LRMDA: variants seen among roughly 807,000 people sequenced by gnomAD.
LRMDA encodes the protein leucine-rich melanocyte differentiation-associated protein.
Under a neutral mutation model 29.8 loss-of-function variants are expected in LRMDA, and 18 were observed. The ratio of observed to expected loss-of-function variants is 0.60; its 90% CI spans 0.42 to 0.90. The LOEUF (loss-of-function observed/expected upper bound fraction) is 0.90, where lower values mean the gene tolerates loss of function less well. Ranked by LOEUF, LRMDA falls within the 40% of genes least tolerant of loss-of-function variation. The probability of loss-of-function intolerance (pLI) is 0.00; values close to 1 mark genes in which losing one functional copy is unlikely to be tolerated. For missense variants in LRMDA, 273 were observed against 273.9 expected (o/e 1.00, Z 0.02); for synonymous variants, 125 against 109.4 (o/e 1.14, Z -0.89).
chr10:75,702,245 C>T (rs769279638), intron 2 of LRMDA, among the ~76,000 whole-genome samples: 15 of 152,172 alleles, frequency 9.9e-5, no homozygotes, highest in Non-Finnish European at 2.1e-4. Flanking sequence ...TCTGTTGGCC[C>T]TGCAGACCAT....
intron 2 of LRMDA, among the ~76,000 whole-genome samples, chr10:75,492,825 A>G (rs1048732069): frequency 2.0e-5 from 3 of 152,178 alleles, no homozygotes; most frequent in African/African-American, 7.2e-5. Flanking sequence ...CTGTTATACC[A>G]TTTGTGTGGA....
intron 5 of LRMDA, among the ~76,000 whole-genome samples, chr10:76,116,120 G>T (rs568752116): frequency 1.1e-4 from 16 of 152,232 alleles, no homozygotes; most frequent in African/African-American, 3.4e-4. Context: ...ACCTGTGCCT[G>T]TGTAAGCATG....
chr10:76,142,257 T>C (rs4746365), intron 5 of LRMDA, among the ~76,000 whole-genome samples: 104,597 of 152,024 alleles, frequency 0.69, 36,659 homozygotes, highest in East Asian at 0.85. Flanking sequence ...TTGGTTTATG[T>C]GTAACATTTA....
intron 5 of LRMDA, among the ~76,000 whole-genome samples, chr10:76,164,597 G>A (rs148704109): frequency 1.1e-4 from 16 of 152,296 alleles, no homozygotes; most frequent in Non-Finnish European, 2.2e-4. Flanking sequence ...TGCAAAGAAT[G>A]AAATATTTCC....
chr10:75,602,189 AC>A (rs11373498), intron 2 of LRMDA, among the ~76,000 whole-genome samples: 32 of 151,190 alleles, frequency 2.1e-4, no homozygotes, highest in Admixed American at 5.3e-4. Flanking sequence ...GGAAAAAATA[AC>A]CCCCCCCAAA....
At position 76,144,532 on chromosome 10, in the gene LRMDA, A is replaced by G. The variant is rs373667022; in HGVS notation, c.516+85749A>G. On this transcript the variant is annotated intron_variant, in intron 5 of 6. Coordinates refer to ENST00000611255, the MANE Select transcript of LRMDA (RefSeq NM_001305581.2). The stretch of plus-strand genomic sequence containing the variant: ...GTATAAGAATGCTTGTGATTTTTGT[A>G]CATTGATTTTGTATCCTGAGACTTT... 2.0e-4 allele frequency among the ~76,000 whole-genome samples: 30 copies of G among 152,282 alleles called. No homozygotes were observed. The South Asian group carries it at 5.8e-3, about 30-fold the overall frequency.
chr10:76,149,523 G>A (rs1850398545), intron 5 of LRMDA, among the ~76,000 whole-genome samples: 1 of 152,170 alleles, frequency 6.6e-6, no homozygotes, highest in African/African-American at 2.4e-5. Flanking sequence ...TCTTTTGGGT[G>A]TTTCTTTAAA....
At chr10:75,919,010 G>A (rs1174343137) in intron 2 of LRMDA, among the ~76,000 whole-genome samples, 9 of 152,188 alleles carry the variant, frequency 5.9e-5, no homozygotes, top group Admixed American at 1.3e-4. Context: ...TGTGTCAGGC[G>A]TGATTTTGTG....
chr10:75,682,518 A>C (rs372315523), intron 2 of LRMDA, among the ~76,000 whole-genome samples: 1 of 152,126 alleles, frequency 6.6e-6, no homozygotes, highest in South Asian at 2.1e-4. Context: ...TATAATATAC[A>C]TATATGTAGA....
At chr10:76,445,053 T>C (rs543953988) in intron 6 of LRMDA, among the ~76,000 whole-genome samples, 101 of 152,256 alleles carry the variant, frequency 6.6e-4, no homozygotes, top group Non-Finnish European at 6.3e-4. Flanking sequence ...TGCAAAGCAC[T>C]GTGGGGAATA....
At chr10:75,682,700 A>G (rs957444389) in intron 2 of LRMDA, among the ~76,000 whole-genome samples, 13 of 152,140 alleles carry the variant, frequency 8.5e-5, no homozygotes, top group African/African-American at 2.9e-4. Flanking sequence ...GTCCAGTTGC[A>G]AGTCAACTGC....
At position 76,234,571 on chromosome 10, in the gene LRMDA, G is replaced by C. The variant is rs1852117364; in HGVS notation, c.517-89830G>C. ...AAATGGCATCTTCTTCCCATGTAAG[G>C]CTGTTTTGTCTACATTGGAAATCTG... On this transcript the variant is annotated intron_variant, in intron 5 of 6. Transcript: ENST00000611255. Among the ~76,000 whole-genome samples the C allele has an allele frequency of 2.0e-5, 3 of 152,148 alleles. No homozygotes were observed. In the South Asian group the frequency reaches 6.2e-4, roughly 32 times the overall value.
chr10:75,681,862 C>A (rs898098183), intron 2 of LRMDA, among the ~76,000 whole-genome samples: 1 of 152,128 alleles, frequency 6.6e-6, no homozygotes, highest in Non-Finnish European at 1.5e-5. Flanking sequence ...TGTTATCAAG[C>A]CAATTTCTTG....
chr10:76,422,026 G>A (rs1394320242), intron 6 of LRMDA, among the ~76,000 whole-genome samples: 1 of 152,152 alleles, frequency 6.6e-6, no homozygotes, highest in African/African-American at 2.4e-5. Flanking sequence ...CAGACTTGGT[G>A]AGGACAGATC....
At chr10:76,110,405 T>A (rs1296198870) in intron 5 of LRMDA, among the ~76,000 whole-genome samples, 2 of 152,242 alleles carry the variant, frequency 1.3e-5, no homozygotes, top group Non-Finnish European at 2.9e-5. Flanking sequence ...CCCCTTGCAG[T>A]CTACTCTGCT....
In LRMDA at chr10:76,207,171, C is replaced by G. The variant is rs577232048; in HGVS notation, c.517-117230C>G. Among the ~76,000 whole-genome samples the G allele has an allele frequency of 9.4e-5, 13 of 138,412 alleles. No individual in the cohort carries two copies. In the South Asian group the frequency reaches 2.9e-3, roughly 31 times the overall value. 90.8% of individuals were successfully genotyped at this position (138,412 alleles called of 152,430 possible). A position where few individuals can be genotyped will look rare whatever the true frequency, so the allele number is the denominator to read the frequency against. ...TCAGCCGGGGAAACCCATGAAGGTGCTAACCTACCATTGTACATAATTGAT... is the reference window on the plus strand; with the variant it reads ...TCAGCCGGGGAAACCCATGAAGGTGGTAACCTACCATTGTACATAATTGAT... On this transcript the variant is annotated intron_variant, in intron 5 of 6. Transcript: ENST00000611255.
chr10:76,307,832 A>G (rs1199683936), intron 5 of LRMDA, among the ~76,000 whole-genome samples: 2 of 152,216 alleles, frequency 1.3e-5, no homozygotes, highest in Non-Finnish European at 2.9e-5. Context: ...AAGTTTGAAC[A>G]CCTGGATCTA....
rs186113032 is a variant in LRMDA, at chr10:76,154,752, T to C, written c.516+95969T>C. On this transcript the variant is annotated intron_variant, in intron 5 of 6. Transcript: ENST00000611255. ...CAGCATCAAATAGTATAGAACTTCA[T>C]ACCTCTCTCATGGCATGGTCCGGAC... is the stretch of plus-strand genomic sequence containing the variant. 5.3e-5 allele frequency among the ~76,000 whole-genome samples: 8 copies of C among 152,322 alleles called. No homozygotes were observed. The East Asian group carries it at 1.5e-3, about 29-fold the overall frequency.
chr10:75,776,883 T>C (rs1385091159), intron 2 of LRMDA, among the ~76,000 whole-genome samples: 2 of 152,244 alleles, frequency 1.3e-5, no homozygotes, highest in East Asian at 3.8e-4. Flanking sequence ...GTCCCTGCTC[T>C]TTGTTGTAGA....
Sources: allele counts gnomAD v4.1 joint callset (sites outside exome capture counted in the v4.1 genomes callset), GRCh38; gene constraint gnomAD v4.1.1; transcripts MANE v1.5; gene names NCBI Gene and HGNC (gene_info 2026-07-23, HGNC 2026-07-21).